Variants in CMC1 observed in about 807,000 individuals in gnomAD.
CMC1 encodes C-X9-C motif containing 1.
Under a neutral mutation model 14.1 loss-of-function variants are expected in CMC1, and 14 were observed. The ratio of observed to expected loss-of-function variants is 0.99; its 90% CI spans 0.66 to 1.55. The LOEUF is 1.55. CMC1 is among the 40% of genes most tolerant of loss of function. The pLI, the probability that CMC1 is intolerant of heterozygous loss-of-function variation, is 0.00. For missense variants in CMC1, 127 were observed against 123.8 expected, an observed-to-expected ratio of 1.03 and a Z score of -0.12; for synonymous variants, 50 against 38.4, an observed-to-expected ratio of 1.30 and a Z score of -1.12.
Position 28,263,367 on chromosome 3 carries a change from T to C in CMC1, c.96T>C (p.Ser32=). ...IMREKAKERC[S]EQVQDFTKCC... The stretch of plus-strand genomic sequence containing the variant: ...GAGAAAAGGCCAAAGAGAGGTGTTC[T>C]GAACAAGTTCAAGGTAACATTCAAA... The change falls in exon 2 of 4, where the codon TCT becomes TCC. Residue 32 remains serine (S), a synonymous_variant. Transcript: ENST00000466830. 6.3e-7 allele frequency: 1 copy of C among 1,597,470 alleles called. No individual in the cohort carries two copies. Among genetic ancestry groups the C allele is most frequent in the Admixed American group, 1.7e-5 (1 of 57,698 alleles).
chr3:28,263,523 A>G (rs1198166422), intron 2 of CMC1, 143 bp downstream of exon 2: 3 of 533,466 alleles, frequency 5.6e-6, no homozygotes, highest in African/African-American at 2.0e-5. Flanking sequence ...CCAGTATTTC[A>G]GCTTTCAGAA....
intron 2 of CMC1, among the ~76,000 whole-genome samples, chr3:28,310,987 G>C (rs1345454900): frequency 6.6e-6 from 1 of 152,174 alleles, no homozygotes; most frequent in Non-Finnish European, 1.5e-5. Context: ...ATGCTCCCTC[G>C]CCAGACGCTC....
At chr3:28,267,092 C>A (rs1029617983) in intron 2 of CMC1, among the ~76,000 whole-genome samples, 1 of 152,150 alleles carries the variant, frequency 6.6e-6, no homozygotes, top group Non-Finnish European at 1.5e-5. Context: ...GATGGTTTGA[C>A]AAACTCTGGA....
At chr3:28,258,070 A>ATG (rs1454125139) in intron 1 of CMC1, among the ~76,000 whole-genome samples, 2 of 146,946 alleles carry the variant, frequency 1.4e-5, no homozygotes, top group African/African-American at 5.0e-5. Context: ...TTATATATAT[A>ATG]TATATATATA....
At chr3:28,310,096 C>T (rs1183778165) in intron 2 of CMC1, among the ~76,000 whole-genome samples, 3 of 152,174 alleles carry the variant, frequency 2.0e-5, no homozygotes, top group Admixed American at 1.3e-4. Context: ...ATACTGTTCC[C>T]TCTCTTCATT....
intron 3 of CMC1, chr3:28,317,705 G>A (rs747078416): frequency 6.6e-6 from 1 of 152,016 alleles, no homozygotes; most frequent in Non-Finnish European, 1.5e-5. Flanking sequence ...ATCAGTGAGA[G>A]CTTAGCTAGT....
chr3:28,243,682 G>T (rs542055910), intron 1 of CMC1, among the ~76,000 whole-genome samples: 307 of 152,278 alleles, frequency 2.0e-3, no homozygotes, highest in African/African-American at 7.0e-3. Flanking sequence ...AAGACTTGTT[G>T]AGTGTCTGGT....
At chr3:28,245,204 T>C (rs1169625147) in intron 1 of CMC1, among the ~76,000 whole-genome samples, 5 of 152,226 alleles carry the variant, frequency 3.3e-5, no homozygotes, top group Non-Finnish European at 7.3e-5. Flanking sequence ...GTAGGGTCTC[T>C]GTTTTCCTCA....
intron 2 of CMC1, 27 bp downstream of exon 2, chr3:28,263,407 T>C: frequency 7.2e-7 from 1 of 1,398,156 alleles, no homozygotes; most frequent in Non-Finnish European, 9.9e-7. Context: ...CATGTAAAGA[T>C]CAAATTTATT....
At chr3:28,316,307 AT>A (rs1475682701) in intron 2 of CMC1, 25 bp from the exon 3 acceptor site, 2 of 1,287,622 alleles carry the variant, frequency 1.6e-6, no homozygotes, top group South Asian at 1.4e-5. Context: ...ATTACAAGTA[AT>A]TTTTTCCTTC....
At chr3:28,261,161 T>G (rs537256086) in intron 1 of CMC1, among the ~76,000 whole-genome samples, 9 of 152,204 alleles carry the variant, frequency 5.9e-5, no homozygotes, top group African/African-American at 9.7e-5. Flanking sequence ...TTTACATTTG[T>G]ATATCATGCG....
Position 28,241,620 on chromosome 3 carries a change from G to A in CMC1, c.-174G>A, listed in dbSNP as rs190161189. On this transcript the variant is annotated 5_prime_UTR_variant, in exon 1 of 4. Transcript: ENST00000466830. The stretch of plus-strand genomic sequence containing the variant: ...GGCGCAACGGGCGGCGGAAGTAGGA[G>A]CCTGGGAAGGAAGAGGGAACGGGTC... The A allele has an allele frequency of 4.3e-5, 53 of 1,231,514 alleles. 1 individual carries two copies. In the Middle Eastern group the frequency reaches 1.2e-3, roughly 29 times the overall value. 76.3% of individuals were successfully genotyped at this position (1,231,514 alleles called of 1,614,324 possible). A position where few individuals can be genotyped will look rare whatever the true frequency, so the allele number is the denominator to read the frequency against.
At chr3:28,291,286 A>G (rs147621358) in intron 2 of CMC1, among the ~76,000 whole-genome samples, 11 of 152,262 alleles carry the variant, frequency 7.2e-5, no homozygotes, top group African/African-American at 2.2e-4. Context: ...GGAAGCTGGG[A>G]TCATTGGAGG....
At chr3:28,263,447 A>C (rs1419584919) in intron 2 of CMC1, 67 bp downstream of exon 2, 2 of 1,059,916 alleles carry the variant, frequency 1.9e-6, no homozygotes, top group Admixed American at 4.8e-5. Context: ...TTTAATCCTT[A>C]GCCCCAGAAT....
rs185027308 is a variant in CMC1 at position 28,322,716 on chromosome 3, C to G, written c.*3087C>G. The G allele has an allele frequency of 5.3e-5, 8 of 151,454 alleles. No individual in the cohort carries two copies. In the Admixed American group the frequency reaches 5.3e-4, roughly 10 times the overall value. The allele number at this position is 151,454 out of a possible 1,614,324, so 9.4% of individuals were successfully genotyped here. ...TCAGAATAAATTCCAGCATCTGACA[C>G]CAATTCCATTAATCACAGACAAGCT... On this transcript the variant is annotated 3_prime_UTR_variant, in exon 4 of 4. Coordinates refer to ENST00000466830, the MANE Select transcript of CMC1 (RefSeq NM_182523.2).
At position 28,323,621 on chromosome 3, in the gene CMC1, T is replaced by C. The variant is rs1703263592; in HGVS notation, c.*3992T>C. On this transcript the variant is annotated 3_prime_UTR_variant, in exon 4 of 4. Transcript: ENST00000466830. ...ACAACAGAAATGTAACCTACTCACA[T>C]TGCCATTTGTTCCATTATGCAATTT... is the stretch of plus-strand genomic sequence containing the variant. 6.5e-6 allele frequency: 1 copy of C among 154,166 alleles called. No individual in the cohort carries two copies. The highest frequency in any genetic ancestry group is 1.4e-5 in the Non-Finnish European group (1 of 69,172). 9.5% of individuals were successfully genotyped at this position (154,166 alleles called of 1,614,324 possible).
intron 1 of CMC1, among the ~76,000 whole-genome samples, chr3:28,260,755 T>A (rs1221890278): frequency 6.6e-6 from 1 of 152,190 alleles, no homozygotes; most frequent in Non-Finnish European, 1.5e-5. Context: ...AAGTACTGTT[T>A]TAGCTGCATC....
At chr3:28,319,238 A>C (rs935627719) in intron 3 of CMC1, 2 of 496,522 alleles carry the variant, frequency 4.0e-6, no homozygotes, top group Non-Finnish European at 7.9e-6. Flanking sequence ...ATTTTAATCC[A>C]GTCTTTACTT....
chr3:28,248,889 G>T (rs754251180), intron 1 of CMC1, among the ~76,000 whole-genome samples: 14 of 151,942 alleles, frequency 9.2e-5, no homozygotes, highest in Admixed American at 3.9e-4. Context: ...TCCTGGGTTT[G>T]TGCCATTCTT....
Sources: gnomAD v4.1 joint callset for allele counts (sites outside exome capture counted in the v4.1 genomes callset) on GRCh38, gnomAD v4.1.1 for gene constraint, MANE v1.5 for transcripts, NCBI Gene and HGNC (gene_info 2026-07-23, HGNC 2026-07-21) for gene names.